ATP2C1: variants seen among roughly 807,000 people sequenced by gnomAD.
ATP2C1 encodes ATPase secretory pathway Ca2+ transporting 1, also known as calcium-transporting ATPase type 2C member 1.
Under a neutral mutation model 120.5 loss-of-function variants are expected in ATP2C1, and 31 were observed. That is an observed-to-expected ratio of 0.26 (90% CI 0.19 to 0.35). ATP2C1 has a LOEUF of 0.35. ATP2C1 is among the 10% of genes least tolerant of loss of function. The probability of loss-of-function intolerance (pLI) is 1.00; values close to 1 mark genes in which losing one functional copy is unlikely to be tolerated. For synonymous variants in ATP2C1, 351 were observed against 358.7 expected, an observed-to-expected ratio of 0.98 and a Z score of 0.24; for missense variants, 731 against 1,107.5, an observed-to-expected ratio of 0.66 and a Z score of 4.83.
intron 2 of ATP2C1, among the ~76,000 whole-genome samples, chr3:130,899,254 CTT>C (rs1247973815): frequency 1.3e-5 from 2 of 152,122 alleles, no homozygotes; most frequent in Non-Finnish European, 2.9e-5. Context: ...CTGCATGTAA[CTT>C]TTAACTCTCT....
intron 1 of ATP2C1, among the ~76,000 whole-genome samples, chr3:130,873,059 TTGAG>T (rs1465792252): frequency 1.3e-5 from 2 of 152,220 alleles, no homozygotes; most frequent in Admixed American, 6.5e-5. Flanking sequence ...TAATACAATC[TTGAG>T]TGTCATCAAA....
At chr3:131,014,535 GTTC>G in intron 26 of ATP2C1, 1 of 823,396 alleles carries the variant, frequency 1.2e-6, no homozygotes, top group Non-Finnish European at 1.8e-6. Flanking sequence ...AGAATAATCT[GTTC>G]TTTGAAGGAA....
chr3:130,886,117 A>G (rs987481183), intron 1 of ATP2C1, among the ~76,000 whole-genome samples: 2 of 152,184 alleles, frequency 1.3e-5, no homozygotes, highest in Admixed American at 1.3e-4. Context: ...CTATTCTACA[A>G]TAAATTTTAT....
At chr3:130,906,629 G>GGCTT (rs898878101) in intron 2 of ATP2C1, among the ~76,000 whole-genome samples, 10 of 150,502 alleles carry the variant, frequency 6.6e-5, no homozygotes, top group African/African-American at 2.4e-4. Context: ...CAGTGTATGA[G>GGCTT]GCTTTCTTTT....
chr3:130,972,045 C>A (rs1020660105), intron 17 of ATP2C1, among the ~76,000 whole-genome samples: 1 of 152,188 alleles, frequency 6.6e-6, no homozygotes, highest in Admixed American at 6.5e-5. Context: ...TCCTGGAACT[C>A]TTCCACAGGC....
intron 2 of ATP2C1, among the ~76,000 whole-genome samples, chr3:130,908,280 A>G (rs1044909312): frequency 6.6e-6 from 1 of 152,126 alleles, no homozygotes; most frequent in African/African-American, 2.4e-5. Flanking sequence ...CTGCAGCAAC[A>G]TTTGTAATAC....
intron 14 of ATP2C1, among the ~76,000 whole-genome samples, chr3:130,966,827 G>A (rs41266503): frequency 6.6e-6 from 1 of 152,226 alleles, no homozygotes; most frequent in Non-Finnish European, 1.5e-5. Context: ...GCAAACTGTA[G>A]TATGCTATAT....
intron 14 of ATP2C1, among the ~76,000 whole-genome samples, chr3:130,966,767 G>A (rs1222979634): frequency 6.6e-6 from 1 of 152,116 alleles, no homozygotes; most frequent in Non-Finnish European, 1.5e-5. Context: ...TTTTGTCTAA[G>A]TCACAGCTTT....
chr3:131,004,065 G>A (rs1252363697), downstream of ATP2C1, among the ~76,000 whole-genome samples: 2 of 152,106 alleles, frequency 1.3e-5, no homozygotes, highest in Non-Finnish European at 2.9e-5. Flanking sequence ...TGCCCTGTAG[G>A]AGCCCATGAA....
chr3:130,881,346 TCTC>T (rs370373600), intron 1 of ATP2C1, among the ~76,000 whole-genome samples: 2,030 of 151,128 alleles, frequency 0.013, 42 homozygotes, highest in African/African-American at 0.047. Context: ...TTCTTCTTCT[TCTC>T]CTCCTCCTCC....
intron 13 of ATP2C1, 51 bp from the exon 14 acceptor site, chr3:130,964,897 C>T (rs1210491129): frequency 1.5e-5 from 20 of 1,339,392 alleles, no homozygotes; most frequent in African/African-American, 4.3e-5. Flanking sequence ...TTAAGTGAAC[C>T]TATATTTCTC....
Position 130,937,463 on chromosome 3 carries a change from G to GGTAA in ATP2C1, c.360+4_360+7dup. On this transcript the variant is annotated frameshift_variant and splice_region_variant. Transcript: ENST00000510168. LOFTEE classifies it high-confidence loss of function. ...TCGTTGTTACAGTTGCCTTTGTTCA[G>GGTAA]GTAAGTACTCTATTTTGCCAACATG... The GGTAA allele has an allele frequency of 6.2e-7, 1 of 1,613,272 alleles. No homozygotes were observed. Among genetic ancestry groups the GGTAA allele is most frequent in the Non-Finnish European group, 8.5e-7 (1 of 1,179,294 alleles).
chr3:130,980,278 G>A lies in ATP2C1; in HGVS notation c.1742-304G>A, dbSNP rs1272751177. On this transcript the variant is annotated intron_variant, in intron 19 of 27. Coordinates refer to ENST00000510168, the MANE Select transcript of ATP2C1 (RefSeq NM_001378687.1). ...TTTTTTTTTTTCCTGTAGAGACAGG[G>A]TCTTGCTATATTGCCCAGGCTGGTC... 3.3e-5 allele frequency among the ~76,000 whole-genome samples: 5 copies of A among 149,986 alleles called. 1 individual carries two copies. The Admixed American group carries it at 3.3e-4, about 10-fold the overall frequency.
intron 1 of ATP2C1, among the ~76,000 whole-genome samples, chr3:130,883,290 GACTA>G (rs1204292629): frequency 1.3e-5 from 2 of 151,872 alleles, no homozygotes; most frequent in Admixed American, 6.6e-5. Flanking sequence ...CTTTTCAAAA[GACTA>G]ACTTTTTGTT....
At chr3:130,853,541 C>T (rs1489599443) in intron 1 of ATP2C1, among the ~76,000 whole-genome samples, 2 of 152,112 alleles carry the variant, frequency 1.3e-5, no homozygotes, top group South Asian at 2.1e-4. Flanking sequence ...AAATGAACTC[C>T]CCCCTCTAGC....
chr3:130,978,109 T>C (rs2108763110), intron 18 of ATP2C1, among the ~76,000 whole-genome samples: 1 of 152,270 alleles, frequency 6.6e-6, no homozygotes, highest in Non-Finnish European at 1.5e-5. Context: ...TGCTGACATA[T>C]ATTTTTGTCA....
chr3:130,884,812 A>G (rs1375330768), intron 1 of ATP2C1, among the ~76,000 whole-genome samples: 7 of 152,018 alleles, frequency 4.6e-5, no homozygotes, highest in African/African-American at 1.7e-4. Flanking sequence ...TGATATAAGC[A>G]TAGCTACTCC....
chr3:130,875,967 A>C (rs1427875528), intron 1 of ATP2C1, among the ~76,000 whole-genome samples: 1 of 147,180 alleles, frequency 6.8e-6, no homozygotes, highest in Non-Finnish European at 1.5e-5. Context: ...AAAATATTTG[A>C]GTTTTTTTTG....
At chr3:130,913,160 T>G (rs1307201759) in intron 2 of ATP2C1, among the ~76,000 whole-genome samples, 1 of 148,926 alleles carries the variant, frequency 6.7e-6, no homozygotes, top group African/African-American at 2.5e-5. Flanking sequence ...GACGAGTTAG[T>G]GGGTGCAGCA....
Sources: allele counts gnomAD v4.1 joint callset (sites outside exome capture counted in the v4.1 genomes callset), GRCh38; gene constraint gnomAD v4.1.1; transcripts MANE v1.5; gene names NCBI Gene and HGNC (gene_info 2026-07-23, HGNC 2026-07-21).